Variants in MME observed in about 807,000 individuals in gnomAD.
MME encodes the protein neprilysin.
MME carries 98 observed loss-of-function variants against 113.2 expected under a neutral mutation model. The observed-to-expected ratio is 0.87, with a 90% CI of 0.74 to 1.02. MME has a LOEUF of 1.02. MME is among the 50% of genes least tolerant of loss of function. MME has a pLI of 0.00. For synonymous variants in MME, 292 were observed against 300.6 expected, an observed-to-expected ratio of 0.97 and a Z score of 0.30; for missense variants, 836 against 896.0, an observed-to-expected ratio of 0.93 and a Z score of 0.86.
intron 8 of MME, among the ~76,000 whole-genome samples, chr3:155,135,608 G>T (rs1720558840): frequency 6.6e-6 from 1 of 151,964 alleles, no homozygotes; most frequent in African/African-American, 2.4e-5. Context: ...GGATTACTTT[G>T]GCCATTTGGG....
chr3:155,051,714 T>G (rs1424720474), intron 1 of MME, among the ~76,000 whole-genome samples: 3 of 152,190 alleles, frequency 2.0e-5, no homozygotes, highest in Admixed American at 1.3e-4. Flanking sequence ...CAATTCAAGA[T>G]GAGATTTTGG....
chr3:155,104,612 A>G (rs1717537376), intron 3 of MME, among the ~76,000 whole-genome samples: 1 of 152,204 alleles, frequency 6.6e-6, no homozygotes, highest in Non-Finnish European at 1.5e-5. Context: ...GTTATTCTTG[A>G]CAGACAATAT....
chr3:155,092,524 A>G (rs1716382462), intron 3 of MME, among the ~76,000 whole-genome samples: 1 of 152,232 alleles, frequency 6.6e-6, no homozygotes, highest in Non-Finnish European at 1.5e-5. Context: ...AAATGAAAAC[A>G]CATATCCTCA....
At chr3:155,093,291 A>T (rs1458379571) in intron 3 of MME, among the ~76,000 whole-genome samples, 1 of 152,104 alleles carries the variant, frequency 6.6e-6, no homozygotes, top group Non-Finnish European at 1.5e-5. Context: ...TTATATTAGC[A>T]ATATATTGAC....
chr3:155,171,257 C>T (rs372434827), intron 20 of MME, among the ~76,000 whole-genome samples: 5 of 152,240 alleles, frequency 3.3e-5, no homozygotes, highest in East Asian at 1.9e-4. Flanking sequence ...TGCTAGATTG[C>T]GAGCTCTCTA....
chr3:155,140,304 G>GT lies in MME; in HGVS notation c.957+18dup, dbSNP rs748107121. The GT allele has an allele frequency of 1.3e-6, 2 of 1,485,412 alleles. No homozygotes were observed. The highest frequency in any genetic ancestry group is 1.4e-5 in the African/African-American group (1 of 71,270). The allele number at this position is 1,485,412 out of a possible 1,614,324, so 92.0% of individuals were successfully genotyped here. On this transcript the variant is annotated intron_variant, in intron 10 of 22. Coordinates refer to ENST00000360490, the MANE Select transcript of MME (RefSeq NM_007289.4). The stretch of plus-strand genomic sequence containing the variant: ...AGATCAATGGGAAGGTAAGTGGTAA[G>GT]TTTTTTGTGCTCTCTTATTGTGCCG...
At chr3:155,105,165 A>G (rs989206190) in intron 3 of MME, among the ~76,000 whole-genome samples, 1 of 152,152 alleles carries the variant, frequency 6.6e-6, no homozygotes, top group Admixed American at 6.6e-5. Context: ...TGCCAACTGA[A>G]GTTTATTATT....
intron 22 of MME, among the ~76,000 whole-genome samples, chr3:155,177,153 T>C (rs1159555616): frequency 6.6e-6 from 1 of 152,134 alleles, no homozygotes; most frequent in East Asian, 1.9e-4. Flanking sequence ...AAGTCGTGGG[T>C]TTGGACATTA....
chr3:155,125,448 T>TTC (rs1186762300), intron 8 of MME, among the ~76,000 whole-genome samples: 1 of 109,338 alleles, frequency 9.1e-6, no homozygotes, highest in African/African-American at 3.4e-5. Context: ...CTCCTCCTTT[T>TTC]TTTTTTTTTT....
At chr3:155,064,219 G>T (rs1248725552) in intron 1 of MME, among the ~76,000 whole-genome samples, 7 of 152,014 alleles carry the variant, frequency 4.6e-5, no homozygotes, top group African/African-American at 1.7e-4. Context: ...AACCTGGGAG[G>T]TGGAGGTTGC....
At chr3:155,150,193 T>C (rs1721821095) in intron 16 of MME, among the ~76,000 whole-genome samples, 2 of 152,288 alleles carry the variant, frequency 1.3e-5, no homozygotes, top group East Asian at 1.9e-4. Flanking sequence ...CCAGTACCCA[T>C]AGGACATCAG....
chr3:155,144,098 G>A (rs1031077971), intron 13 of MME, among the ~76,000 whole-genome samples: 1 of 152,180 alleles, frequency 6.6e-6, no homozygotes, highest in South Asian at 2.1e-4. Context: ...CAGTATGATA[G>A]TGAAACCATT....
At chr3:155,175,690 C>T (rs1712447463) in intron 22 of MME, among the ~76,000 whole-genome samples, 1 of 151,992 alleles carries the variant, frequency 6.6e-6, no homozygotes, top group African/African-American at 2.4e-5. Context: ...GAACTGACAC[C>T]ACTATCAAAG....
At chr3:155,082,891 T>A (rs1342130755) in intron 1 of MME, among the ~76,000 whole-genome samples, 1 of 152,166 alleles carries the variant, frequency 6.6e-6, no homozygotes, top group East Asian at 1.9e-4. Context: ...CCTTAGAGAA[T>A]TGTGTGTGTT....
At position 155,168,489 on chromosome 3, in the gene MME, T is replaced by C. The variant is rs3736187; in HGVS notation, c.1781-3T>C. 138,794 of 1,609,340 alleles carry C rather than the reference T, an allele frequency of 0.086. 7,837 individuals carry two copies. The highest frequency in any genetic ancestry group is 0.21 in the African/African-American group (15,340 of 74,822). On this transcript the variant is annotated splice_region_variant and splice_polypyrimidine_tract_variant and intron_variant, in intron 18 of 22. Transcript: ENST00000360490. The stretch of plus-strand genomic sequence containing the variant: ...CCATTTTACTTAAATAAATATATTA[T>C]AGGCAGAAACTTTAACAAAGATGGA...
chr3:155,068,343 C>T (rs939349809), intron 1 of MME, among the ~76,000 whole-genome samples: 5 of 152,064 alleles, frequency 3.3e-5, no homozygotes, highest in Admixed American at 6.5e-5. Context: ...TAGAAGGTGA[C>T]GGATAACTTT....
intron 16 of MME, among the ~76,000 whole-genome samples, chr3:155,159,638 C>G (rs965361360): frequency 6.6e-6 from 1 of 151,884 alleles, no homozygotes; most frequent in African/African-American, 2.4e-5. Context: ...TTTTTTCATT[C>G]AGCCTATAGT....
In MME at chr3:155,143,566, C is replaced by T. The variant is rs1281688876; in HGVS notation, c.1312C>T (p.His438Tyr). 2 of 1,611,716 alleles carry T rather than the reference C, an allele frequency of 1.2e-6. No homozygotes were observed. The highest frequency in any genetic ancestry group is 1.3e-5 in the African/African-American group (1 of 74,800). The change falls in exon 13 of 23, where the codon CAT (histidine) becomes TAT (tyrosine). Residue 438 changes from histidine to tyrosine, a missense_variant. Coordinates refer to ENST00000360490, the MANE Select transcript of MME (RefSeq NM_007289.4). Reference protein sequence around the residue: ...VEAAFAGESKHVVEDLIAQIR... With the variant: ...VEAAFAGESKYVVEDLIAQIR... ...AGCAGCATTTGCTGGAGAGAGTAAA[C>T]ATGTGGTAATGTTTTCAGAATAATA...
intron 21 of MME, 54 bp from the exon 22 acceptor site, chr3:155,172,482 T>C: frequency 7.2e-7 from 1 of 1,386,752 alleles, no homozygotes; most frequent in Non-Finnish European, 1.0e-6. Flanking sequence ...CTCAAACAAA[T>C]AATCCTTGAT....
Sources: gnomAD v4.1 joint callset for allele counts (sites outside exome capture counted in the v4.1 genomes callset) on GRCh38, gnomAD v4.1.1 for gene constraint, MANE v1.5 for transcripts, NCBI Gene and HGNC (gene_info 2026-07-23, HGNC 2026-07-21) for gene names.